The following DLGAP2 variants were observed in gnomAD, a reference collection of about 807,000 sequenced individuals.
DLGAP2 encodes the protein disks large-associated protein 2.
In DLGAP2, 26 loss-of-function variants were observed where a neutral mutation model predicts 100.3. The ratio of observed to expected loss-of-function variants is 0.26; its 90% confidence interval spans 0.19 to 0.36. The LOEUF (loss-of-function observed/expected upper bound fraction) is 0.36, where lower values mean the gene tolerates loss of function less well. DLGAP2 is among the 10% of genes least tolerant of loss of function. The probability of loss-of-function intolerance (pLI) is 1.00; values close to 1 mark genes in which losing one functional copy is unlikely to be tolerated. For synonymous variants in DLGAP2, 886 were observed against 630.1 expected, an observed-to-expected ratio of 1.41 and a Z score of -6.08; for missense variants, 1,858 against 1,453.2, an observed-to-expected ratio of 1.28 and a Z score of -4.53.
At chr8:837,382 T>G (rs1370014980) in intron 1 of DLGAP2, among the ~76,000 whole-genome samples, 1 of 152,212 alleles carries the variant, frequency 6.6e-6, no homozygotes, top group Non-Finnish European at 1.5e-5. Context: ...AATGTTTCAT[T>G]GAATTTATTA....
At chr8:1,504,012 G>A (rs1009017950) in intron 4 of DLGAP2, among the ~76,000 whole-genome samples, 1 of 152,206 alleles carries the variant, frequency 6.6e-6, no homozygotes, top group Non-Finnish European at 1.5e-5. Context: ...TGCACCTCGT[G>A]AGGAAGGTGG....
At chr8:1,451,138 C>G (rs1041231291) in intron 3 of DLGAP2, among the ~76,000 whole-genome samples, 1 of 152,108 alleles carries the variant, frequency 6.6e-6, no homozygotes, top group African/African-American at 2.4e-5. Flanking sequence ...GGACTGGAGT[C>G]ACACCTTTCC....
chr8:1,122,243 C>T (rs1422172338), intron 2 of DLGAP2, among the ~76,000 whole-genome samples: 1 of 152,178 alleles, frequency 6.6e-6, no homozygotes, highest in Non-Finnish European at 1.5e-5. Context: ...GACCCTGTTT[C>T]TCCTCTTCTG....
intron 3 of DLGAP2, among the ~76,000 whole-genome samples, chr8:1,315,027 A>G (rs1800699957): frequency 6.6e-6 from 1 of 152,220 alleles, no homozygotes; most frequent in African/African-American, 2.4e-5. Context: ...GACTTCCAGA[A>G]CACCGCTCCG....
rs573835140 is a variant in DLGAP2 at position 1,291,472 on chromosome 8, C to T, written c.106+32589C>T. On this transcript the variant is annotated intron_variant, in intron 3 of 14. Transcript: ENST00000637795. ...TGGCGAGGCAAGAATGAAAGGCAGA[C>T]GTATGGCTCCCTTCAGTGCCATATT... Among the ~76,000 whole-genome samples, 18 of 152,214 alleles carry T rather than the reference C, an allele frequency of 1.2e-4. No individual in the cohort carries two copies. In the South Asian group the frequency reaches 1.9e-3, roughly 16 times the overall value.
At position 1,668,657 on chromosome 8, in the gene DLGAP2, C is replaced by T. The variant is rs1175338296; in HGVS notation, c.2139C>T (p.Arg713=). ...VSKAEELLKS[R]CSSIGIQDSE... The stretch of plus-strand genomic sequence containing the variant: ...AGGCGGAGGAGCTCCTCAAGAGCCG[C>T]TGCTCCTCCATCGGGATTCAGGTAG... The change falls in exon 9 of 15, where the codon CGC becomes CGT. Residue 713 remains arginine, a synonymous_variant. Coordinates refer to ENST00000637795, the MANE Select transcript of DLGAP2 (RefSeq NM_001346810.2). 2 of 1,570,900 alleles carry T rather than the reference C, an allele frequency of 1.3e-6. No homozygotes were observed. The highest frequency in any genetic ancestry group is 8.6e-7 in the Non-Finnish European group (1 of 1,157,434).
intron 1 of DLGAP2, among the ~76,000 whole-genome samples, chr8:867,430 G>C (rs555242136): frequency 6.6e-6 from 1 of 152,362 alleles, no homozygotes; most frequent in Non-Finnish European, 1.5e-5. Flanking sequence ...AGGTCCTTCA[G>C]AGGGTTCTAA....
chr8:826,510 G>A (rs1170794197), intron 1 of DLGAP2, among the ~76,000 whole-genome samples: 1 of 152,186 alleles, frequency 6.6e-6, no homozygotes, highest in Non-Finnish European at 1.5e-5. Flanking sequence ...CAGGCATTTA[G>A]TGTTACAGAA....
chr8:1,654,057 A>C (rs1563042831), intron 8 of DLGAP2, among the ~76,000 whole-genome samples: 1 of 152,216 alleles, frequency 6.6e-6, no homozygotes, highest in African/African-American at 2.4e-5. Context: ...GGTAAAAATA[A>C]ACTCTCATCA....
intron 2 of DLGAP2, among the ~76,000 whole-genome samples, chr8:1,218,035 A>G (rs1224713523): frequency 6.6e-6 from 1 of 152,126 alleles, no homozygotes; most frequent in Non-Finnish European, 1.5e-5. Flanking sequence ...ATTTTCTCCC[A>G]TTCTATAAGT....
chr8:758,795 C>G (rs1360676540), intron 1 of DLGAP2, among the ~76,000 whole-genome samples: 1 of 152,050 alleles, frequency 6.6e-6, no homozygotes, highest in Non-Finnish European at 1.5e-5. Flanking sequence ...CTCCTGGGCT[C>G]AAGTGATCTA....
At chr8:1,376,493 C>T (rs976269973) in intron 3 of DLGAP2, among the ~76,000 whole-genome samples, 16 of 152,340 alleles carry the variant, frequency 1.1e-4, no homozygotes, top group South Asian at 6.2e-4. Context: ...CTCAGAGCTC[C>T]GACGGAGCTG....
chr8:814,208 C>T (rs544168720), intron 1 of DLGAP2, among the ~76,000 whole-genome samples: 49 of 152,254 alleles, frequency 3.2e-4, no homozygotes, highest in Non-Finnish European at 4.9e-4. Context: ...GTAGAATAGA[C>T]ATTATAACAC....
chr8:928,563 G>C (rs1329055665), intron 2 of DLGAP2, among the ~76,000 whole-genome samples: 9 of 152,092 alleles, frequency 5.9e-5, no homozygotes, highest in Non-Finnish European at 1.0e-4. Flanking sequence ...AAAGGCATCT[G>C]TGAAGGGTGG....
intron 2 of DLGAP2, among the ~76,000 whole-genome samples, chr8:1,223,446 A>G (rs1245295912): frequency 6.6e-6 from 1 of 152,190 alleles, no homozygotes; most frequent in Admixed American, 6.5e-5. Flanking sequence ...CTTTGAAACA[A>G]TTAGTGGGTG....
At chr8:1,294,916 A>T (rs1172600115) in intron 3 of DLGAP2, among the ~76,000 whole-genome samples, 1 of 151,050 alleles carries the variant, frequency 6.6e-6, no homozygotes, top group African/African-American at 2.4e-5. Context: ...TAATTTTGTT[A>T]TGTAGCAGTT....
chr8:1,640,260 G>A (rs1797865170), intron 8 of DLGAP2, among the ~76,000 whole-genome samples: 1 of 152,128 alleles, frequency 6.6e-6, no homozygotes. Context: ...GCTGTGTGCA[G>A]GCTCAGAGTT....
intron 2 of DLGAP2, among the ~76,000 whole-genome samples, chr8:1,017,600 C>G (rs1305129288): frequency 4.2e-5 from 6 of 141,682 alleles, no homozygotes; most frequent in Non-Finnish European, 8.0e-5. Flanking sequence ...CTGTGTGTGA[C>G]CAGGACAGAC....
rs184905777 is a variant in DLGAP2, at chr8:981,956, A to C, written c.73+73990A>C. ...GTCTTCCTTGTTTTCTGCTGTTCACAGGTAAACTGGATACCACATCCCTGG... is the reference window on the plus strand; with the variant it reads ...GTCTTCCTTGTTTTCTGCTGTTCACCGGTAAACTGGATACCACATCCCTGG... On this transcript the variant is annotated intron_variant, in intron 2 of 14. Transcript: ENST00000637795. Among the ~76,000 whole-genome samples, 18 of 152,328 alleles carry C rather than the reference A, an allele frequency of 1.2e-4. No individual in the cohort carries two copies. In the East Asian group the frequency reaches 3.5e-3, roughly 29 times the overall value.
Sources: gnomAD v4.1 joint callset for allele counts (sites outside exome capture counted in the v4.1 genomes callset) on GRCh38, gnomAD v4.1.1 for gene constraint, MANE v1.5 for transcripts, NCBI Gene and HGNC (gene_info 2026-07-23, HGNC 2026-07-21) for gene names.